The following FBXL7 variants were observed in gnomAD, a reference collection of about 807,000 sequenced individuals.
FBXL7 encodes the protein F-box and leucine rich repeat protein 7.
FBXL7 carries 12 observed loss-of-function variants against 38.3 expected under a neutral mutation model. The observed-to-expected ratio is 0.31, with a 90% CI of 0.20 to 0.51. The LOEUF is 0.51. FBXL7 is among the 20% of genes least tolerant of loss of function. FBXL7 has a pLI of 0.98. For synonymous variants in FBXL7, 297 were observed against 300.9 expected (o/e 0.99, Z 0.13); for missense variants, 567 against 676.4 (o/e 0.84, Z 1.79).
Position 15,521,511 on chromosome 5 carries a change from C to A in FBXL7, c.37+20798C>A, listed in dbSNP as rs559918132. On this transcript the variant is annotated intron_variant, in intron 1 of 3. Coordinates refer to ENST00000504595, the MANE Select transcript of FBXL7 (RefSeq NM_012304.5). ...ATGTCAGAGTTGGAACTGGAAGCTGCATTGTCTAGTCTAGCCCTTGTCCAT... is the reference window on the plus strand; with the variant it reads ...ATGTCAGAGTTGGAACTGGAAGCTGAATTGTCTAGTCTAGCCCTTGTCCAT... Among the ~76,000 whole-genome samples the A allele has an allele frequency of 2.0e-5, 3 of 152,306 alleles. No individual in the cohort carries two copies. In the South Asian group the frequency reaches 6.2e-4, roughly 32 times the overall value.
At chr5:15,867,881 G>A (rs923536239) in intron 2 of FBXL7, among the ~76,000 whole-genome samples, 6 of 152,146 alleles carry the variant, frequency 3.9e-5, no homozygotes, top group East Asian at 1.9e-4. Flanking sequence ...TGAGGCAGGC[G>A]GATCACAAGG....
chr5:15,560,726 A>G (rs1429852859), intron 1 of FBXL7, among the ~76,000 whole-genome samples: 2 of 152,136 alleles, frequency 1.3e-5, no homozygotes, highest in Non-Finnish European at 2.9e-5. Flanking sequence ...CTGCAATTTC[A>G]TATTACCAGT....
intron 2 of FBXL7, among the ~76,000 whole-genome samples, chr5:15,856,556 TA>T (rs535018726): frequency 0.02 from 2,929 of 147,088 alleles, 49 homozygotes; most frequent in Non-Finnish European, 0.033. Context: ...AAAGTAAAAT[TA>T]AAAAAAAAAC....
intron 2 of FBXL7, among the ~76,000 whole-genome samples, chr5:15,718,585 G>A (rs537346505): frequency 1.3e-5 from 2 of 152,332 alleles, no homozygotes; most frequent in South Asian, 4.1e-4. Context: ...CAGGCATCGT[G>A]ATAATCACAA....
At chr5:15,538,144 C>T (rs571146118) in intron 1 of FBXL7, among the ~76,000 whole-genome samples, 1 of 152,288 alleles carries the variant, frequency 6.6e-6, no homozygotes, top group African/African-American at 2.4e-5. Context: ...CCCTATTAAA[C>T]ACATTCTAAG....
At chr5:15,916,961 T>A (rs1389788786) in intron 2 of FBXL7, among the ~76,000 whole-genome samples, 7 of 152,218 alleles carry the variant, frequency 4.6e-5, no homozygotes, top group African/African-American at 1.4e-4. Context: ...TTTTAATGCC[T>A]GTACTGATGG....
At chr5:15,504,535 A>C (rs562252101) in intron 1 of FBXL7, among the ~76,000 whole-genome samples, 1 of 152,260 alleles carries the variant, frequency 6.6e-6, no homozygotes, top group African/African-American at 2.4e-5. Flanking sequence ...TGTTTTCCTA[A>C]GTCCTTAGTG....
Position 15,649,935 on chromosome 5 carries a change from A to G in FBXL7, c.127+33863A>G, listed in dbSNP as rs1280571928. On this transcript the variant is annotated intron_variant, in intron 2 of 3. Coordinates refer to ENST00000504595, the MANE Select transcript of FBXL7 (RefSeq NM_012304.5). ...AGCTTTTCCTACATTATCTAAATGTAGTAATGTTTCTGTGAAGCAGTGCTC... is the reference window on the plus strand; with the variant it reads ...AGCTTTTCCTACATTATCTAAATGTGGTAATGTTTCTGTGAAGCAGTGCTC... 2.0e-5 allele frequency among the ~76,000 whole-genome samples: 3 copies of G among 152,232 alleles called. No homozygotes were observed. The East Asian group carries it at 5.8e-4, about 29-fold the overall frequency.
intron 2 of FBXL7, among the ~76,000 whole-genome samples, chr5:15,890,398 C>T (rs1028502487): frequency 1.8e-4 from 27 of 151,998 alleles, no homozygotes; most frequent in African/African-American, 6.3e-4. Context: ...ACAGGCATGA[C>T]GCCCAGCTAA....
In FBXL7 at chr5:15,923,430, G is replaced by A. The variant is rs574957561; in HGVS notation, c.128-4460G>A. Among the ~76,000 whole-genome samples, 14 of 152,118 alleles carry A rather than the reference G, an allele frequency of 9.2e-5. No individual in the cohort carries two copies. In the East Asian group the frequency reaches 1.9e-3, roughly 21 times the overall value. On this transcript the variant is annotated intron_variant, in intron 2 of 3. Coordinates refer to ENST00000504595, the MANE Select transcript of FBXL7 (RefSeq NM_012304.5). ...TAATAATATCTAGTGACAGTAAATAGGTCCTGATATCAAAGGGTAAAACAC... is the reference window on the plus strand; with the variant it reads ...TAATAATATCTAGTGACAGTAAATAAGTCCTGATATCAAAGGGTAAAACAC...
intron 2 of FBXL7, among the ~76,000 whole-genome samples, chr5:15,853,471 G>A (rs1739161576): frequency 6.6e-6 from 1 of 152,116 alleles, no homozygotes; most frequent in African/African-American, 2.4e-5. Flanking sequence ...CTTGGGGCTA[G>A]TGGCAGGGGT....
intron 2 of FBXL7, among the ~76,000 whole-genome samples, chr5:15,746,152 T>G (rs1228911264): frequency 6.6e-6 from 1 of 152,064 alleles, no homozygotes; most frequent in Non-Finnish European, 1.5e-5. Flanking sequence ...GCCTGAAAAG[T>G]TGGGTGAATA....
chr5:15,937,355 C>G lies in FBXL7; in HGVS notation c.*169C>G. The G allele has an allele frequency of 1.2e-6, 1 of 829,874 alleles. No individual in the cohort carries two copies. The highest frequency in any genetic ancestry group is 1.8e-6 in the Non-Finnish European group (1 of 553,640). 51.4% of individuals were successfully genotyped at this position (829,874 alleles called of 1,614,324 possible). A position where few individuals can be genotyped will look rare whatever the true frequency, so the allele number is the denominator to read the frequency against. ...CTCATTTCTCATGGGCAACAGAGGCCAAAGAAACGAAGCAAGACAAACAGC... is the reference window on the plus strand; with the variant it reads ...CTCATTTCTCATGGGCAACAGAGGCGAAAGAAACGAAGCAAGACAAACAGC... On this transcript the variant is annotated 3_prime_UTR_variant, in exon 4 of 4. Transcript: ENST00000504595.
intron 2 of FBXL7, among the ~76,000 whole-genome samples, chr5:15,917,686 GAAGGAAGGAAGA>G (rs1170823896): frequency 4.0e-5 from 6 of 148,418 alleles, no homozygotes; most frequent in Admixed American, 1.3e-4. Flanking sequence ...AGGAAGGAAG[GAAGGAAGGAAGA>G]AAGAAAGGAA....
Position 15,660,390 on chromosome 5 carries a change from C to T in FBXL7, c.127+44318C>T, listed in dbSNP as rs1038472576. On this transcript the variant is annotated intron_variant, in intron 2 of 3. Transcript: ENST00000504595. ...TTTTCTTTTGAGATGGAGCTTCGCT[C>T]TTGTTGCCCAGGCTGGAGTGCAATG... 2.5e-4 allele frequency among the ~76,000 whole-genome samples: 38 copies of T among 152,334 alleles called. 1 individual carries two copies. The highest frequency in any genetic ancestry group is 8.7e-4 in the African/African-American group (36 of 41,582).
At chr5:15,757,045 T>C (rs1909723) in intron 2 of FBXL7, among the ~76,000 whole-genome samples, 17,916 of 152,150 alleles carry the variant, frequency 0.12, 1,098 homozygotes, top group South Asian at 0.16. Context: ...TCTCCTTTAT[T>C]CAGCAGCAGT....
At chr5:15,875,935 A>G (rs1184203473) in intron 2 of FBXL7, among the ~76,000 whole-genome samples, 3 of 152,240 alleles carry the variant, frequency 2.0e-5, no homozygotes, top group Non-Finnish European at 4.4e-5. Context: ...TCATTCTACT[A>G]TAAAGACACA....
intron 2 of FBXL7, among the ~76,000 whole-genome samples, chr5:15,795,862 A>G (rs886257208): frequency 3.3e-5 from 5 of 152,214 alleles, no homozygotes; most frequent in Non-Finnish European, 7.3e-5. Context: ...CACTCATCCG[A>G]TTGCCACTAT....
chr5:15,507,274 T>C (rs923836456), intron 1 of FBXL7, among the ~76,000 whole-genome samples: 3 of 152,218 alleles, frequency 2.0e-5, no homozygotes, highest in African/African-American at 7.2e-5. Flanking sequence ...GTTCCACTGT[T>C]AGTTTCAAAT....
Sources: allele counts gnomAD v4.1 joint callset (sites outside exome capture counted in the v4.1 genomes callset), GRCh38; gene constraint gnomAD v4.1.1; transcripts MANE v1.5; gene names NCBI Gene and HGNC (gene_info 2026-07-23, HGNC 2026-07-21).